The following KHSRP variants were observed in gnomAD, a reference collection of about 807,000 sequenced individuals.
The protein encoded by KHSRP is far upstream element-binding protein 2.
In KHSRP, 13 loss-of-function variants were observed where a neutral mutation model predicts 94.9. The ratio of observed to expected loss-of-function variants is 0.14; its 90% CI spans 0.09 to 0.22. The LOEUF (loss-of-function observed/expected upper bound fraction) is 0.22. KHSRP is among the 10% of genes least tolerant of loss of function. The probability of loss-of-function intolerance (pLI) is 1.00; values close to 1 mark genes in which losing one functional copy is unlikely to be tolerated. For synonymous variants in KHSRP, 495 were observed against 401.4 expected, an observed-to-expected ratio of 1.23 and a Z score of -2.79; for missense variants, 710 against 1,010.0, an observed-to-expected ratio of 0.70 and a Z score of 4.03.
chr19:6,416,697 G>T, intron 13 of KHSRP, 41 bp downstream of exon 13: 1 of 1,612,416 alleles, frequency 6.2e-7, no homozygotes, highest in Non-Finnish European at 8.5e-7. Context: ...ATGGCCCAGG[G>T]AAGAGGGGGC....
chr19:6,420,586 C>G, intron 4 of KHSRP, 115 bp from the exon 5 acceptor site: 3 of 932,710 alleles, frequency 3.2e-6, no homozygotes, highest in Non-Finnish European at 5.1e-6. Context: ...TCTGACCACA[C>G]AGGCCACAAA....
chr19:6,421,051 C>A, intron 4 of KHSRP: 1 of 576,410 alleles, frequency 1.7e-6, no homozygotes, highest in Non-Finnish European at 3.1e-6. Flanking sequence ...ACCACCCTAT[C>A]ACTACAGTGA....
intron 11 of KHSRP, among the ~76,000 whole-genome samples, chr19:6,417,516 G>A (rs754164954): frequency 5.9e-4 from 90 of 152,302 alleles, no homozygotes; most frequent in Non-Finnish European, 8.8e-4. Flanking sequence ...AGGAAGAGGA[G>A]ATCTGATAGG....
chr19:6,417,943 G>A, intron 10 of KHSRP, 38 bp downstream of exon 10: 2 of 1,601,894 alleles, frequency 1.2e-6, no homozygotes, highest in Non-Finnish European at 1.7e-6. Flanking sequence ...CCCTCCACTG[G>A]CGGGGGAGAG....
rs2092122787 is a variant in KHSRP, at chr19:6,414,191, G to C, written c.*833C>G. 12 of 1,570,934 alleles carry C rather than the reference G, an allele frequency of 7.6e-6. No homozygotes were observed. The highest frequency in any genetic ancestry group is 1.0e-5 in the Non-Finnish European group (12 of 1,159,512). ...GGGTGGGAGACTAGGGGGCGGAAGA[G>C]AGGAGGGGCTGGAACACCGTGGGGG... On this transcript the variant is annotated 3_prime_UTR_variant, in exon 19 of 19. Coordinates refer to ENST00000600480, the MANE Select transcript of KHSRP (RefSeq NM_001366299.1).
intron 11 of KHSRP, among the ~76,000 whole-genome samples, 153 bp from the exon 12 acceptor site, chr19:6,417,240 G>A (rs2092154513): frequency 6.6e-6 from 1 of 152,248 alleles, no homozygotes. Context: ...GGGATTGAGG[G>A]GGAGGCGGCC....
intron 2 of KHSRP, 64 bp from the exon 3 acceptor site, chr19:6,421,752 C>G: frequency 6.3e-7 from 1 of 1,579,118 alleles, no homozygotes; most frequent in Non-Finnish European, 8.7e-7. Context: ...GAACCTGATG[C>G]TGGTGCCACA....
chr19:6,420,876 GGGCAAAGAGGT>G (rs1440099500), intron 4 of KHSRP: 3 of 368,448 alleles, frequency 8.1e-6, no homozygotes, highest in South Asian at 7.5e-5. Context: ...CCATCTGGTG[GGGCAAAGAGGT>G]GGCAAAGAGC....
In KHSRP at chr19:6,421,455, T is replaced by C; in HGVS notation, c.386-138A>G. Reference sequence around the variant, plus strand: ...CCAGTGCCTCATGGATGCTGTGGATTCCTCCCCATAAAAGCACAGAGCTCA... The same window carrying C: ...CCAGTGCCTCATGGATGCTGTGGATCCCTCCCCATAAAAGCACAGAGCTCA... On this transcript the variant is annotated intron_variant, in intron 3 of 18. Coordinates refer to ENST00000600480, the MANE Select transcript of KHSRP (RefSeq NM_001366299.1). 7.8e-6 allele frequency: 8 copies of C among 1,019,348 alleles called. No individual in the cohort carries two copies. The South Asian group carries it at 1.2e-4, about 15-fold the overall frequency. The allele number at this position is 1,019,348 out of a possible 1,614,324, so 63.1% of individuals were successfully genotyped here.
Position 6,415,130 on chromosome 19 carries a change from T to C in KHSRP, c.2138A>G (p.Asn713Ser), listed in dbSNP as rs1358720969. 6.2e-7 allele frequency: 1 copy of C among 1,600,488 alleles called. No homozygotes were observed. Among genetic ancestry groups the C allele is most frequent in the South Asian group, 1.1e-5 (1 of 90,820 alleles). The change falls in exon 19 of 19, where the codon AAT becomes AGT. Residue 713 changes from asparagine to serine, a missense_variant. Asn to Ser is a conservative substitution (Grantham distance 46, BLOSUM62 1). This residue lies in a region of KHSRP where 292 missense variants were observed against 340.5 expected (regional missense o/e 0.86). Transcript: ENST00000600480. ...TQQGQQQASG[N>S]CHPPPPPFSF... ...GAAAGGAGGAGGAGGAGGGTGGCAA[T>C]TCCCACTTGCCTGCTGCTGTCCCTG...
Position 6,416,811 on chromosome 19 carries a change from G to A in KHSRP, c.1254C>T (p.Gly418=). The A allele has an allele frequency of 6.3e-7, 1 of 1,589,182 alleles. No individual in the cohort carries two copies. Among genetic ancestry groups the A allele is most frequent in the Non-Finnish European group, 8.6e-7 (1 of 1,168,410 alleles). The part of the protein sequence containing the change: ...PGGRGRGRGQ[G]NWGPPGGEMT... ...TCTCCCCGCCAGGGGGACCCCAATT[G>A]CCTTGGCCTCTTCCTCGGCCTCGGC... The change falls in exon 13 of 19, where the codon GGC becomes GGT. Residue 418 remains glycine, a synonymous_variant. Coordinates refer to ENST00000600480, the MANE Select transcript of KHSRP (RefSeq NM_001366299.1).
intron 4 of KHSRP, 79 bp from the exon 5 acceptor site, chr19:6,420,550 CA>C: frequency 7.6e-7 from 1 of 1,315,940 alleles, no homozygotes; most frequent in Non-Finnish European, 1.1e-6. Flanking sequence ...TACTTGAAGC[CA>C]AGGCCACCAT....
rs2092118332 is a variant in KHSRP at position 6,413,764 on chromosome 19, T to A, written c.*1260A>T. ...CTGGGGGGTGAAGAATAGAGACTTTTTAATATATATATATATAATTTTATA... is the reference window on the plus strand; with the variant it reads ...CTGGGGGGTGAAGAATAGAGACTTTATAATATATATATATATAATTTTATA... On this transcript the variant is annotated 3_prime_UTR_variant, in exon 19 of 19. Coordinates refer to ENST00000600480, the MANE Select transcript of KHSRP (RefSeq NM_001366299.1). 6.6e-6 allele frequency: 1 copy of A among 152,252 alleles called. No individual in the cohort carries two copies. Among genetic ancestry groups the A allele is most frequent in the South Asian group, 2.1e-4 (1 of 4,878 alleles). The allele number at this position is 152,252 out of a possible 1,614,324, so 9.4% of individuals were successfully genotyped here. A position where few individuals can be genotyped will look rare whatever the true frequency, so the allele number is the denominator to read the frequency against.
intron 1 of KHSRP, among the ~76,000 whole-genome samples, chr19:6,423,626 A>C (rs2092208562): frequency 6.6e-6 from 1 of 152,226 alleles, no homozygotes; most frequent in Admixed American, 6.5e-5. Flanking sequence ...ACAGAGGGCC[A>C]GAACACAGGC....
intron 1 of KHSRP, 96 bp from the exon 2 acceptor site, chr19:6,422,532 C>G: frequency 1.1e-6 from 1 of 876,052 alleles, no homozygotes. Flanking sequence ...GACACGAAAG[C>G]CCATCAGGTC....
Position 6,415,396 on chromosome 19 carries a change from C to T in KHSRP, c.1950G>A (p.Glu650=), listed in dbSNP as rs777954090. The stretch of plus-strand genomic sequence containing the variant: ...GCCACTCACCTTGCTTCTTGTAGTA[C>T]TCCTCCCAAGCCTTCGTGTAGTCCT... ...PQQDYTKAWE[E]YYKKQAQVAT... Residue 650 remains glutamate (E), a synonymous_variant, in exon 18 of 19, where the codon GAG becomes GAA. Coordinates refer to ENST00000600480, the MANE Select transcript of KHSRP (RefSeq NM_001366299.1). 1.3e-6 allele frequency: 2 copies of T among 1,599,222 alleles called. No homozygotes were observed. The highest frequency in any genetic ancestry group is 2.3e-5 in the South Asian group (2 of 88,784).
Position 6,414,844 on chromosome 19 carries a change from G to A in KHSRP, c.*180C>T. ...TGTCTGCCTGCCCCCCGACTCCCCA[G>A]CAGTTCAGAAGTCCCGCCTGCGAGT... On this transcript the variant is annotated 3_prime_UTR_variant, in exon 19 of 19. Transcript: ENST00000600480. 7.9e-7 allele frequency: 1 copy of A among 1,259,252 alleles called. No homozygotes were observed. The highest frequency in any genetic ancestry group is 1.0e-6 in the Non-Finnish European group (1 of 1,000,488). 78.0% of individuals were successfully genotyped at this position (1,259,252 alleles called of 1,614,324 possible).
In KHSRP at chr19:6,415,821, A is replaced by G. The variant is rs1405713065; in HGVS notation, c.1674T>C (p.Ala558=). ...CCCATCACTTACTTGGGTCATGAGG[A>G]GCAGGCGGCTGCCACTGGGGGTAGG... ...GNTYPQWQPP[A]PHDPSKAAAA... is the part of the protein sequence containing the mutation. The change falls in exon 16 of 19, where the codon GCT becomes GCC. Residue 558 remains alanine, a synonymous_variant. Transcript: ENST00000600480. The G allele has an allele frequency of 1.9e-6, 3 of 1,572,336 alleles. No individual in the cohort carries two copies. The African/African-American group carries it at 4.1e-5, about 21-fold the overall frequency.
At chr19:6,422,873 T>C (rs2092203392) in intron 1 of KHSRP, among the ~76,000 whole-genome samples, 1 of 152,128 alleles carries the variant, frequency 6.6e-6, no homozygotes, top group Admixed American at 6.6e-5. Context: ...GCTGAAGAGT[T>C]CAATTTTCCC....
Sources: gnomAD v4.1 joint callset for allele counts (sites outside exome capture counted in the v4.1 genomes callset) on GRCh38, gnomAD v4.1.1 for gene constraint, gnomAD v4.1.1 regional missense constraint, MANE v1.5 for transcripts, NCBI Gene and HGNC (gene_info 2026-07-23, HGNC 2026-07-21) for gene names.